Variants in CLSTN2 observed in about 807,000 individuals in gnomAD.
CLSTN2 encodes the protein calsyntenin-2.
In CLSTN2, 48 loss-of-function variants were observed where a neutral mutation model predicts 101.2. The ratio of observed to expected loss-of-function variants is 0.47; its 90% CI spans 0.38 to 0.60. CLSTN2 has a LOEUF of 0.60. Ranked by LOEUF, CLSTN2 falls within the 20% of genes least tolerant of loss-of-function variation. CLSTN2 has a pLI of 0.00. For synonymous variants in CLSTN2, 481 were observed against 463.6 expected, an observed-to-expected ratio of 1.04 and a Z score of -0.48; for missense variants, 1,160 against 1,238.2, an observed-to-expected ratio of 0.94 and a Z score of 0.95.
intron 1 of CLSTN2, among the ~76,000 whole-genome samples, chr3:140,044,310 T>C (rs1482714605): frequency 3.9e-5 from 6 of 152,238 alleles, no homozygotes; most frequent in Admixed American, 1.3e-4. Flanking sequence ...GGGAGTTCAC[T>C]CATGATTTGG....
chr3:140,410,146 T>C (rs1274884640), intron 4 of CLSTN2, among the ~76,000 whole-genome samples: 2 of 152,114 alleles, frequency 1.3e-5, no homozygotes, highest in East Asian at 3.9e-4. Context: ...TACTGGTGGA[T>C]ATGTTCTCAA....
intron 2 of CLSTN2, among the ~76,000 whole-genome samples, chr3:140,305,962 G>T (rs972350894): frequency 1.4e-4 from 21 of 152,138 alleles, no homozygotes; most frequent in African/African-American, 5.1e-4. Flanking sequence ...ATCGGGTAAG[G>T]AATGGCATTT....
At chr3:140,502,148 A>T (rs981633048) in intron 8 of CLSTN2, among the ~76,000 whole-genome samples, 1 of 148,744 alleles carries the variant, frequency 6.7e-6, no homozygotes, top group African/African-American at 2.4e-5. Context: ...AGGGTAAAAT[A>T]AAAAAAAGGG....
At chr3:139,947,922 C>T (rs1436945668) in intron 1 of CLSTN2, among the ~76,000 whole-genome samples, 1 of 151,812 alleles carries the variant, frequency 6.6e-6, no homozygotes, top group Non-Finnish European at 1.5e-5. Flanking sequence ...TCCAGTCTTC[C>T]TAGGGAGAAG....
intron 7 of CLSTN2, among the ~76,000 whole-genome samples, chr3:140,463,208 A>G (rs1469291418): frequency 6.6e-6 from 1 of 152,072 alleles, no homozygotes; most frequent in Non-Finnish European, 1.5e-5. Flanking sequence ...CACACATATC[A>G]GCTCCTCTTG....
intron 5 of CLSTN2, among the ~76,000 whole-genome samples, chr3:140,438,669 A>T (rs897455722): frequency 3.0e-4 from 45 of 151,946 alleles, no homozygotes; most frequent in African/African-American, 9.7e-4. Context: ...TCAAGAGATT[A>T]AAAAAAATTG....
intron 4 of CLSTN2, among the ~76,000 whole-genome samples, chr3:140,419,867 A>G (rs1576557568): frequency 7.5e-6 from 1 of 134,114 alleles, no homozygotes; most frequent in East Asian, 2.1e-4. Flanking sequence ...GTATATATAT[A>G]TATGTCAGCC....
At chr3:140,170,755 G>A (rs898801911) in intron 1 of CLSTN2, among the ~76,000 whole-genome samples, 2 of 152,172 alleles carry the variant, frequency 1.3e-5, no homozygotes, top group African/African-American at 4.8e-5. Flanking sequence ...TGGTAAGTCT[G>A]AGTAATGAAA....
At chr3:139,991,419 C>T (rs1936111988) in intron 1 of CLSTN2, among the ~76,000 whole-genome samples, 1 of 152,142 alleles carries the variant, frequency 6.6e-6, no homozygotes. Flanking sequence ...TAGAAGTGCT[C>T]TTCCAAAAGT....
chr3:140,147,198 G>A (rs1032400603), intron 1 of CLSTN2, among the ~76,000 whole-genome samples: 15 of 152,226 alleles, frequency 9.9e-5, no homozygotes, highest in Non-Finnish European at 1.8e-4. Context: ...GGTCCTCTGA[G>A]GTGTGGACTA....
At position 139,980,548 on chromosome 3, in the gene CLSTN2, T is replaced by C. The variant is rs116113065; in HGVS notation, c.109+45065T>C. ...GTTCCAAGAACTAATTTCTTGTCCTTTATGTGTTTGTCTCTTTCTTGTTCA... is the reference window on the plus strand; with the variant it reads ...GTTCCAAGAACTAATTTCTTGTCCTCTATGTGTTTGTCTCTTTCTTGTTCA... On this transcript the variant is annotated intron_variant, in intron 1 of 16. Transcript: ENST00000458420. Among the ~76,000 whole-genome samples, 70 of 152,274 alleles carry C rather than the reference T, an allele frequency of 4.6e-4. 1 individual carries two copies. Among genetic ancestry groups the C allele is most frequent in the Non-Finnish European group, 9.0e-4 (61 of 68,012 alleles).
intron 2 of CLSTN2, among the ~76,000 whole-genome samples, chr3:140,374,676 A>G (rs943092666): frequency 6.6e-5 from 10 of 152,234 alleles, no homozygotes; most frequent in Non-Finnish European, 1.5e-4. Context: ...TTAATGCAAG[A>G]AGAAATAGAA....
In CLSTN2 at chr3:140,360,336, A is replaced by T. The variant is rs1576531911; in HGVS notation, c.233-43293A>T. Among the ~76,000 whole-genome samples the T allele has an allele frequency of 3.3e-5, 5 of 152,340 alleles. 1 individual carries two copies. The Middle Eastern group carries it at 0.017, about 518-fold the overall frequency. On this transcript the variant is annotated intron_variant, in intron 2 of 16. Coordinates refer to ENST00000458420, the MANE Select transcript of CLSTN2 (RefSeq NM_022131.3). ...AGGTGAGCATGGAGTAATAGACAAT[A>T]AGTAAGTGAGAAAGTGACTTAATAC... is the stretch of plus-strand genomic sequence containing the variant.
In CLSTN2 at chr3:140,118,773, G is replaced by A. The variant is rs35998810; in HGVS notation, c.110-57178G>A. Among the ~76,000 whole-genome samples, 1,519 of 152,230 alleles carry A rather than the reference G, an allele frequency of 1.0e-2. 16 individuals are homozygous for A. The highest frequency in any genetic ancestry group is 0.02 in the Middle Eastern group (6 of 294). ...TCAAGACTCAGTTTCTACATCTTTG[G>A]AATATGGATGACATGTTCTCTACTA... On this transcript the variant is annotated intron_variant, in intron 1 of 16. Coordinates refer to ENST00000458420, the MANE Select transcript of CLSTN2 (RefSeq NM_022131.3).
rs534556384 is a variant in CLSTN2, at chr3:140,160,498, T to C, written c.110-15453T>C. On this transcript the variant is annotated intron_variant, in intron 1 of 16. Transcript: ENST00000458420. ...ATGATTTTATGACTCAGGAATGACT[T>C]TTCCTCCTGAGACATTCTCAATTTC... Among the ~76,000 whole-genome samples the C allele has an allele frequency of 2.0e-5, 3 of 152,292 alleles. No homozygotes were observed. In the South Asian group the frequency reaches 6.2e-4, roughly 32 times the overall value.
intron 8 of CLSTN2, among the ~76,000 whole-genome samples, chr3:140,524,831 T>G (rs1935103347): frequency 6.6e-6 from 1 of 152,194 alleles, no homozygotes; most frequent in Non-Finnish European, 1.5e-5. Flanking sequence ...TTAAACAACT[T>G]TCTCCTGAAT....
intron 2 of CLSTN2, among the ~76,000 whole-genome samples, chr3:140,194,809 A>G (rs1349541896): frequency 1.3e-5 from 2 of 152,218 alleles, no homozygotes; most frequent in Admixed American, 1.3e-4. Context: ...TATGGTATCC[A>G]GTAATACTGC....
At chr3:140,387,364 T>G (rs1427068646) in intron 2 of CLSTN2, among the ~76,000 whole-genome samples, 5 of 152,196 alleles carry the variant, frequency 3.3e-5, no homozygotes, top group Non-Finnish European at 7.3e-5. Flanking sequence ...GCATGTAGGA[T>G]GGCTTATTTT....
At chr3:140,142,467 G>C (rs1389535348) in intron 1 of CLSTN2, among the ~76,000 whole-genome samples, 1 of 152,180 alleles carries the variant, frequency 6.6e-6, no homozygotes, top group Non-Finnish European at 1.5e-5. Flanking sequence ...CATGGCAAAT[G>C]CTGAGAAGTT....
Sources: allele counts gnomAD v4.1 joint callset (sites outside exome capture counted in the v4.1 genomes callset), GRCh38; gene constraint gnomAD v4.1.1; transcripts MANE v1.5; gene names NCBI Gene and HGNC (gene_info 2026-07-23, HGNC 2026-07-21).